The following PPP1R15A variants were observed in gnomAD, a reference collection of about 807,000 sequenced individuals.
The protein encoded by PPP1R15A is growth arrest and DNA damage-inducible protein GADD34.
In PPP1R15A, 43 loss-of-function variants were observed where a neutral mutation model predicts 48.5. The observed-to-expected ratio is 0.89, with a 90% CI of 0.69 to 1.14. The LOEUF is 1.14. Ranked by LOEUF, PPP1R15A falls within the 50% of genes most tolerant of loss-of-function variation. The pLI is 0.00. For missense variants in PPP1R15A, 868 were observed against 847.2 expected (o/e 1.02, Z -0.30); for synonymous variants, 327 against 327.4 (o/e 1.00, Z 0.01).
chr19:48,873,711 G>A lies in PPP1R15A; in HGVS notation c.478G>A (p.Glu160Lys), dbSNP rs139708522. ...GCAAGGTTCTGATAAGAACCCAGGG[G>A]AGGAGAAAGCCGAGGAAGAGGGAGT... ...TLQGSDKNPG[E>K]EKAEEEGVAE... The change falls in exon 2 of 3, where the codon GAG (glutamate) becomes AAG (lysine). Residue 160 changes from glutamate (E) to lysine (K), a missense_variant. Physicochemically the swap from Glu to Lys is moderately conservative, Grantham distance 56 (BLOSUM62 1). Coordinates refer to ENST00000200453, the MANE Select transcript of PPP1R15A (RefSeq NM_014330.5). 8 of 1,614,156 alleles carry A rather than the reference G, an allele frequency of 5.0e-6. No homozygotes were observed. The South Asian group carries it at 8.8e-5, about 18-fold the overall frequency.
rs768756506 is a variant in PPP1R15A, at chr19:48,874,766, CTA to C, written c.1535_1536del (p.Tyr512CysfsTer14). The C allele has an allele frequency of 1.4e-5, 23 of 1,613,948 alleles. No homozygotes were observed. The East Asian group carries it at 5.1e-4, about 36-fold the overall frequency. Reference sequence around the variant, plus strand: ...AGCCCTGCCCCTTCCGAGTGGCCATCTATGTACCTGGAGAGAAGCCACCGCCT... The same window carrying C: ...AGCCCTGCCCCTTCCGAGTGGCCATCTGTACCTGGAGAGAAGCCACCGCCT... ...AEPCPFRVAI[Y>X]VPGEKPPPPW... On this transcript the variant is annotated frameshift_variant, in exon 2 of 3. Transcript: ENST00000200453. LOFTEE classifies it high-confidence loss of function.
rs1298801578 is a variant in PPP1R15A at position 48,873,264 on chromosome 19, AC to A, written c.35del (p.Pro12ArgfsTer14). On this transcript the variant is annotated frameshift_variant, in exon 2 of 3. Coordinates refer to ENST00000200453, the MANE Select transcript of PPP1R15A (RefSeq NM_014330.5). LOFTEE classifies it high-confidence loss of function. MAPGQAPHQA[T>X]PWRDAHPFFL... is the part of the protein sequence containing the mutation. ...CCCAGGCCAAGCACCCCATCAGGCT[AC>A]CCCGTGGAGGGATGCCCACCCTTTC... The A allele has an allele frequency of 6.4e-7, 1 of 1,553,958 alleles. No homozygotes were observed. The highest frequency in any genetic ancestry group is 1.2e-5 in the South Asian group (1 of 83,652).
In PPP1R15A at chr19:48,873,268, C is replaced by G. The variant is rs746821743; in HGVS notation, c.35C>G (p.Pro12Arg). 1.3e-6 allele frequency: 2 copies of G among 1,562,694 alleles called. No homozygotes were observed. The highest frequency in any genetic ancestry group is 2.8e-5 in the African/African-American group (2 of 72,628). ...APGQAPHQAT[P>R]WRDAHPFFLL... ...GGCCAAGCACCCCATCAGGCTACCC[C>G]GTGGAGGGATGCCCACCCTTTCTTC... The change falls in exon 2 of 3, where the codon CCG becomes CGG. Residue 12 changes from proline to arginine, a missense_variant. Transcript: ENST00000200453.
Position 48,874,816 on chromosome 19 carries a change from C to A in PPP1R15A, c.1583C>A (p.Pro528His). Reference protein sequence around the residue: ...PPPPWAPPRLPLRLQRRLKRP... With the variant: ...PPPPWAPPRLHLRLQRRLKRP... ...CCTCCCTGGGCTCCTCCTAGGCTGCCCCTCCGACTGCAAAGGCGGCTCAAG... is the reference window on the plus strand; with the variant it reads ...CCTCCCTGGGCTCCTCCTAGGCTGCACCTCCGACTGCAAAGGCGGCTCAAG... The change falls in exon 2 of 3, where the codon CCC (proline) becomes CAC (histidine). Residue 528 changes from proline (P) to histidine (H), a missense_variant. Pro to His is a moderately conservative substitution (Grantham distance 77, BLOSUM62 -2). Transcript: ENST00000200453. 1 of 1,613,554 alleles carries A rather than the reference C, an allele frequency of 6.2e-7. No individual in the cohort carries two copies. Among genetic ancestry groups the A allele is most frequent in the Non-Finnish European group, 8.5e-7 (1 of 1,179,888 alleles).
At chr19:48,875,087 C>T (rs1408733255) in intron 2 of PPP1R15A, 189 bp downstream of exon 2, 2 of 650,972 alleles carry the variant, frequency 3.1e-6, no homozygotes, top group South Asian at 3.7e-5. Context: ...ACACCACACC[C>T]AGCTAATTTT....
At position 48,872,452 on chromosome 19, in the gene PPP1R15A, C is replaced by G. The variant is rs1311061288; in HGVS notation, c.-209C>G. ...ATCGGTTCCCATCCCAGTTGTTGAT[C>G]TTATGCAAGACGCTGCACGACCCCG... is the stretch of plus-strand genomic sequence containing the variant. On this transcript the variant is annotated 5_prime_UTR_variant, in exon 1 of 3. It adds an upstream start codon to the 5' untranslated region. Transcript: ENST00000200453. 1 of 456,486 alleles carries G rather than the reference C, an allele frequency of 2.2e-6. No homozygotes were observed. Among genetic ancestry groups the G allele is most frequent in the Non-Finnish European group, 4.4e-6 (1 of 226,792 alleles). The allele number at this position is 456,486 out of a possible 1,614,324, so 28.3% of individuals were successfully genotyped here. A position where few individuals can be genotyped will look rare whatever the true frequency, so the allele number is the denominator to read the frequency against.
chr19:48,874,921 C>CT lies in PPP1R15A; in HGVS notation c.1665+24dup, dbSNP rs766714677. 5.6e-6 allele frequency: 8 copies of CT among 1,422,096 alleles called. No homozygotes were observed. In the African/African-American group the frequency reaches 5.8e-5, roughly 10 times the overall value. The allele number at this position is 1,422,096 out of a possible 1,614,324, so 88.1% of individuals were successfully genotyped here. ...AAGGTAGGTGCTGAGAGCCCAGATT[C>CT]TATTTTTTTTTTTTTTTTAATTGAG... On this transcript the variant is annotated intron_variant, in intron 2 of 2. Coordinates refer to ENST00000200453, the MANE Select transcript of PPP1R15A (RefSeq NM_014330.5).
chr19:48,875,005 C>A, intron 2 of PPP1R15A, 107 bp downstream of exon 2: 1 of 1,297,506 alleles, frequency 7.7e-7, no homozygotes, highest in Non-Finnish European at 1.0e-6. Context: ...GGCTCACTGC[C>A]AACCTCTGCC....
At position 48,873,819 on chromosome 19, in the gene PPP1R15A, G is replaced by A; in HGVS notation, c.586G>A (p.Glu196Lys). 2 of 1,614,060 alleles carry A rather than the reference G, an allele frequency of 1.2e-6. No individual in the cohort carries two copies. Among genetic ancestry groups the A allele is most frequent in the Non-Finnish European group, 1.7e-6 (2 of 1,180,018 alleles). Residue 196 changes from glutamate to lysine, a missense_variant, in exon 2 of 3, where the codon GAA becomes AAA. Coordinates refer to ENST00000200453, the MANE Select transcript of PPP1R15A (RefSeq NM_014330.5). ...CCPAVEEEDD[E>K]EAVKKEAHRT... Reference sequence around the variant, plus strand: ...TCCAGCCGTGGAGGAGGAGGACGATGAAGAAGCTGTAAAGAAAGAAGCTCA... The same window carrying A: ...TCCAGCCGTGGAGGAGGAGGACGATAAAGAAGCTGTAAAGAAAGAAGCTCA...
rs1450822614 is a variant in PPP1R15A at position 48,873,340 on chromosome 19, T to G, written c.107T>G (p.Leu36Arg). 5.6e-6 allele frequency: 9 copies of G among 1,612,614 alleles called. No individual in the cohort carries two copies. Among genetic ancestry groups the G allele is most frequent in the African/African-American group, 2.7e-5 (2 of 74,806 alleles). ...CTCCTCAGCCGCGCCTGGAGCCGCC[T>G]GAGGGGCCTGGGACCTCTAGAGCCC... ...MGLLSRAWSRLRGLGPLEPWL... is the reference protein window; with the variant it reads ...MGLLSRAWSRRRGLGPLEPWL... Residue 36 changes from leucine (L) to arginine (R), a missense_variant, in exon 2 of 3, where the codon CTG becomes CGG. By Grantham distance (102) the Leu-to-Arg change is moderately radical. Coordinates refer to ENST00000200453, the MANE Select transcript of PPP1R15A (RefSeq NM_014330.5).
At chr19:48,872,862 T>G (rs940157667) in intron 1 of PPP1R15A, among the ~76,000 whole-genome samples, 2 of 152,098 alleles carry the variant, frequency 1.3e-5, no homozygotes, top group Non-Finnish European at 2.9e-5. Flanking sequence ...AGGGTTTGAT[T>G]TGTCAATCTT....
chr19:48,874,686 C>G lies in PPP1R15A; in HGVS notation c.1453C>G (p.Arg485Gly), dbSNP rs756641166. Residue 485 changes from arginine (R) to glycine (G), a missense_variant, in exon 2 of 3, where the codon CGA (arginine) becomes GGA (glycine). By Grantham distance (125) the Arg-to-Gly change is moderately radical. Coordinates refer to ENST00000200453, the MANE Select transcript of PPP1R15A (RefSeq NM_014330.5). ...QRAHFRGWGY[R>G]PGKETEEEEA... ...GGCCCACTTCAGGGGCTGGGGATAT[C>G]GACCTGGAAAAGAGACAGAGGAAGA... The G allele has an allele frequency of 6.2e-7, 1 of 1,613,586 alleles. No individual in the cohort carries two copies. The highest frequency in any genetic ancestry group is 1.3e-5 in the African/African-American group (1 of 74,858).
Position 48,874,324 on chromosome 19 carries a change from C to T in PPP1R15A, c.1091C>T (p.Ser364Phe). The T allele has an allele frequency of 3.1e-6, 5 of 1,611,152 alleles. 1 individual carries two copies. In the South Asian group the frequency reaches 4.4e-5, roughly 14 times the overall value. Residue 364 changes from serine (S) to phenylalanine (F), a missense_variant, in exon 2 of 3, where the codon TCT becomes TTT. Transcript: ENST00000200453. ...EDEEEDEDSD[S>F]GSDEEEGEAE... is the part of the protein sequence containing the mutation. Reference sequence around the variant, plus strand: ...GAGGAAGAAGATGAGGACAGTGACTCTGGATCAGATGAGGAAGAGGGAGAA... The same window carrying T: ...GAGGAAGAAGATGAGGACAGTGACTTTGGATCAGATGAGGAAGAGGGAGAA...
rs759843681 is a variant in PPP1R15A at position 48,874,139 on chromosome 19, G to A, written c.906G>A (p.Trp302Ter). 3.1e-6 allele frequency: 5 copies of A among 1,614,198 alleles called. No homozygotes were observed. The South Asian group carries it at 5.5e-5, about 18-fold the overall frequency. ...APAQRPQLKSWWCQPSDEEEG... is the reference protein window; with the variant it reads ...APAQRPQLKS ...CCCAGAGGCCCCAGCTCAAGTCCTG[G>A]TGGTGCCAACCCAGTGATGAAGAGG... The change falls in exon 2 of 3, where the codon TGG (tryptophan) becomes TGA (stop). Residue 302 changes from tryptophan (W) to a stop codon, truncating the protein, a stop_gained. Coordinates refer to ENST00000200453, the MANE Select transcript of PPP1R15A (RefSeq NM_014330.5). LOFTEE classifies it high-confidence loss of function.
rs368379467 is a variant in PPP1R15A at position 48,874,464 on chromosome 19, G to A, written c.1231G>A (p.Glu411Lys). Residue 411 changes from glutamate (E) to lysine (K), a missense_variant, in exon 2 of 3, where the codon GAG becomes AAG. Physicochemically the swap from Glu to Lys is moderately conservative, Grantham distance 56. Coordinates refer to ENST00000200453, the MANE Select transcript of PPP1R15A (RefSeq NM_014330.5). ...EDEDSDTGSA[E>K]DEREAETSAS... ...TGAGGACAGTGATACAGGATCAGCC[G>A]AGGATGAAAGAGAAGCTGAGACTTC... The A allele has an allele frequency of 1.2e-5, 20 of 1,613,748 alleles. No homozygotes were observed. The highest frequency in any genetic ancestry group is 6.7e-5 in the African/African-American group (5 of 74,784).
chr19:48,874,517 C>G lies in PPP1R15A; in HGVS notation c.1284C>G (p.Phe428Leu). The change falls in exon 2 of 3, where the codon TTC becomes TTG. Residue 428 changes from phenylalanine to leucine, a missense_variant. Coordinates refer to ENST00000200453, the MANE Select transcript of PPP1R15A (RefSeq NM_014330.5). The part of the protein sequence containing the change: ...TSASTPPASA[F>L]LKAWVYRPGE... ...CTTCCACACCCCCTGCAAGTGCTTTCTTGAAGGCCTGGGTGTATCGGCCAG... is the reference window on the plus strand; with the variant it reads ...CTTCCACACCCCCTGCAAGTGCTTTGTTGAAGGCCTGGGTGTATCGGCCAG... 6.2e-7 allele frequency: 1 copy of G among 1,613,954 alleles called. No homozygotes were observed. The highest frequency in any genetic ancestry group is 8.5e-7 in the Non-Finnish European group (1 of 1,179,932).
Position 48,873,469 on chromosome 19 carries a change from C to G in PPP1R15A, c.236C>G (p.Pro79Arg). The change falls in exon 2 of 3, where the codon CCT (proline) becomes CGT (arginine). Residue 79 changes from proline (P) to arginine (R), a missense_variant. Coordinates refer to ENST00000200453, the MANE Select transcript of PPP1R15A (RefSeq NM_014330.5). ...CCCCATACCCCTTGGGGCAGACGCC[C>G]TGAAGAGGAGGCTGAAGACAGTGGA... ...AIPHTPWGRR[P>R]EEEAEDSGGP... 1 of 1,613,924 alleles carries G rather than the reference C, an allele frequency of 6.2e-7. No individual in the cohort carries two copies. Among genetic ancestry groups the G allele is most frequent in the Non-Finnish European group, 8.5e-7 (1 of 1,179,894 alleles).
At chr19:48,875,489 G>C in intron 2 of PPP1R15A, 125 bp from the exon 3 acceptor site, 1 of 1,285,720 alleles carries the variant, frequency 7.8e-7, no homozygotes, top group Non-Finnish European at 1.1e-6. Context: ...TGACTAGCCA[G>C]ATAGAAAGCA....
In PPP1R15A at chr19:48,875,652, T is replaced by A. The variant is rs1166713508; in HGVS notation, c.1704T>A (p.Ala568=). ...AGAAGGTCACTGTCCATTTCCTGGC[T>A]GTCTGGGCAGGGCCGGCCCAGGCCG... The part of the protein sequence containing the change: ...FSEKVTVHFL[A]VWAGPAQAAR... The change falls in exon 3 of 3, where the codon GCT becomes GCA. Residue 568 remains alanine, a synonymous_variant. Coordinates refer to ENST00000200453, the MANE Select transcript of PPP1R15A (RefSeq NM_014330.5). 2.5e-6 allele frequency: 4 copies of A among 1,607,970 alleles called. No homozygotes were observed. The highest frequency in any genetic ancestry group is 3.4e-6 in the Non-Finnish European group (4 of 1,177,806).
Sources: gnomAD v4.1 joint callset for allele counts (sites outside exome capture counted in the v4.1 genomes callset) on GRCh38, gnomAD v4.1.1 for gene constraint, MANE v1.5 for transcripts, NCBI Gene and HGNC (gene_info 2026-07-23, HGNC 2026-07-21) for gene names.